NEBL: variants seen among roughly 807,000 people sequenced by gnomAD.
NEBL encodes LIM and SH3 protein 2.
NEBL carries 122 observed loss-of-function variants against 140.2 expected under a neutral mutation model. The ratio of observed to expected loss-of-function variants is 0.87; its 90% CI spans 0.75 to 1.01. NEBL has a LOEUF of 1.01. Ranked by LOEUF, NEBL falls within the 50% of genes least tolerant of loss-of-function variation. The pLI, the probability that NEBL is intolerant of heterozygous loss-of-function variation, is 0.00. For missense variants in NEBL, 1,365 were observed against 1,231.3 expected (o/e 1.11, Z -1.62); for synonymous variants, 436 against 398.9 (o/e 1.09, Z -1.11).
At chr10:21,056,985 A>G (rs1835051795) in intron 2 of NEBL, among the ~76,000 whole-genome samples, 1 of 152,184 alleles carries the variant, frequency 6.6e-6, no homozygotes, top group South Asian at 2.1e-4. Flanking sequence ...AGCTTTTTGC[A>G]TATATGATAT....
intron 7 of NEBL, among the ~76,000 whole-genome samples, chr10:20,860,285 AT>A (rs1843544572): frequency 6.6e-6 from 1 of 151,938 alleles, no homozygotes. Flanking sequence ...CCTATACTTC[AT>A]TTGCTCAAAA....
At chr10:21,272,401 T>G (rs146782930) in intron 1 of NEBL, among the ~76,000 whole-genome samples, 10 of 151,714 alleles carry the variant, frequency 6.6e-5, no homozygotes, top group African/African-American at 2.4e-4. Flanking sequence ...CTGGGCAAAA[T>G]AGCAAGATCC....
intron 26 of NEBL, among the ~76,000 whole-genome samples, chr10:20,791,790 C>G (rs1285125517): frequency 6.6e-6 from 1 of 152,120 alleles, no homozygotes; most frequent in East Asian, 1.9e-4. Flanking sequence ...AGAAATGTAC[C>G]CACAAGAAAC....
chr10:20,831,836 G>A (rs1307571689), intron 14 of NEBL, among the ~76,000 whole-genome samples: 1 of 151,650 alleles, frequency 6.6e-6, no homozygotes, highest in Non-Finnish European at 1.5e-5. Flanking sequence ...GCTAGCCAAG[G>A]GGAAAATTTA....
chr10:21,124,314 T>C (rs1838714624), intron 2 of NEBL, among the ~76,000 whole-genome samples: 2 of 152,196 alleles, frequency 1.3e-5, no homozygotes, highest in South Asian at 4.1e-4. Context: ...AGGGAAAAGA[T>C]CAATAAATTA....
At chr10:20,917,141 G>T (rs1312636033) in intron 4 of NEBL, among the ~76,000 whole-genome samples, 1 of 152,168 alleles carries the variant, frequency 6.6e-6, no homozygotes, top group African/African-American at 2.4e-5. Context: ...CACAAAGCTG[G>T]TAAGAACATT....
intron 3 of NEBL, among the ~76,000 whole-genome samples, chr10:21,195,394 G>C (rs531520497): frequency 2.0e-5 from 3 of 152,092 alleles, no homozygotes; most frequent in African/African-American, 7.2e-5. Context: ...AAGTTGTCAG[G>C]GTGATGTTCA....
chr10:21,244,179 G>T (rs1198017670), intron 3 of NEBL, among the ~76,000 whole-genome samples: 2 of 151,710 alleles, frequency 1.3e-5, no homozygotes, highest in Non-Finnish European at 2.9e-5. Flanking sequence ...TATTCTTTTT[G>T]TTTTTTGACA....
intron 3 of NEBL, among the ~76,000 whole-genome samples, chr10:20,964,246 T>A (rs1836188215): frequency 6.6e-6 from 1 of 151,996 alleles, no homozygotes; most frequent in Non-Finnish European, 1.5e-5. Flanking sequence ...CTAGCAAGCA[T>A]CCAGAAGCCT....
At position 20,889,967 on chromosome 10, in the gene NEBL, T is replaced by C; in HGVS notation, c.154-18A>G. 5.4e-6 allele frequency: 8 copies of C among 1,484,084 alleles called. No individual in the cohort carries two copies. Among genetic ancestry groups the C allele is most frequent in the Non-Finnish European group, 7.5e-6 (8 of 1,066,886 alleles). 91.9% of individuals were successfully genotyped at this position (1,484,084 alleles called of 1,614,324 possible). On this transcript the variant is annotated intron_variant, in intron 2 of 27. Coordinates refer to ENST00000377122, the MANE Select transcript of NEBL (RefSeq NM_006393.3). ...TAACGGATCTAAAAAAGAGAATGAT[T>C]TACATAAGAAGAGAAAAAGAAAAAC...
intron 26 of NEBL, among the ~76,000 whole-genome samples, chr10:20,791,307 T>C (rs944652293): frequency 2.0e-5 from 3 of 152,204 alleles, no homozygotes; most frequent in African/African-American, 7.2e-5. Context: ...ATGGTTATTA[T>C]TAAAATGGAA....
At chr10:21,057,583 T>C (rs1835081992) in intron 2 of NEBL, among the ~76,000 whole-genome samples, 1 of 131,510 alleles carries the variant, frequency 7.6e-6, no homozygotes, top group Non-Finnish European at 1.6e-5. Flanking sequence ...GGGGTCTGGC[T>C]CTGTCGCCCA....
intron 4 of NEBL, among the ~76,000 whole-genome samples, chr10:20,884,605 G>A (rs368663357): frequency 3.3e-5 from 5 of 152,288 alleles, no homozygotes; most frequent in African/African-American, 4.8e-5. Context: ...CTACAAAGAC[G>A]ATCAGAATAA....
At chr10:21,285,311 C>G (rs1448705675) in intron 1 of NEBL, among the ~76,000 whole-genome samples, 3 of 152,114 alleles carry the variant, frequency 2.0e-5, no homozygotes, top group Non-Finnish European at 2.9e-5. Context: ...GGCAAACATC[C>G]CTCCTATTCT....
chr10:21,001,343 C>T (rs561860592), intron 3 of NEBL, among the ~76,000 whole-genome samples: 1 of 152,282 alleles, frequency 6.6e-6, no homozygotes, highest in East Asian at 1.9e-4. Flanking sequence ...CACGTAGCAG[C>T]TGGGAATCAG....
chr10:20,987,974 A>G (rs1270705868), intron 3 of NEBL, among the ~76,000 whole-genome samples: 1 of 152,202 alleles, frequency 6.6e-6, no homozygotes, highest in Non-Finnish European at 1.5e-5. Context: ...ATGAGATGAT[A>G]TACCATCTTC....
At chr10:21,164,624 C>A (rs1489389685) in intron 2 of NEBL, among the ~76,000 whole-genome samples, 1 of 152,168 alleles carries the variant, frequency 6.6e-6, no homozygotes, top group African/African-American at 2.4e-5. Flanking sequence ...ATCAAAGGCA[C>A]CTTTCAGAAA....
At chr10:20,964,880 G>A (rs754254377) in intron 3 of NEBL, among the ~76,000 whole-genome samples, 15 of 152,152 alleles carry the variant, frequency 9.9e-5, no homozygotes, top group East Asian at 3.9e-4. Flanking sequence ...AGGTTTGCCC[G>A]TTACGTGAGC....
chr10:21,178,116 C>T (rs1405397353), upstream of NEBL, among the ~76,000 whole-genome samples: 2 of 152,172 alleles, frequency 1.3e-5, no homozygotes, highest in African/African-American at 2.4e-5. Context: ...CCTAATGAAG[C>T]ATTTCTCCAA....
Sources: allele counts gnomAD v4.1 joint callset (sites outside exome capture counted in the v4.1 genomes callset), GRCh38; gene constraint gnomAD v4.1.1; transcripts MANE v1.5; gene names NCBI Gene and HGNC (gene_info 2026-07-23, HGNC 2026-07-21).